The following GABRA5 variants were observed in gnomAD, a reference collection of about 807,000 sequenced individuals.
GABRA5 encodes the protein gamma-aminobutyric acid receptor subunit alpha-5.
In GABRA5, 18 loss-of-function variants were observed where a neutral mutation model predicts 47.3. The ratio of observed to expected loss-of-function variants is 0.38; its 90% CI spans 0.26 to 0.56. GABRA5 has a LOEUF of 0.56. Among genes scored for constraint, GABRA5 ranks in the 20% least tolerant of loss-of-function variants. The pLI, the probability that GABRA5 is intolerant of heterozygous loss-of-function variation, is 0.71. For missense variants in GABRA5, 365 were observed against 599.3 expected (o/e 0.61, Z 4.08); for synonymous variants, 237 against 229.3 (o/e 1.03, Z -0.30).
chr15:26,930,870 T>C (rs1894085422), intron 7 of GABRA5, among the ~76,000 whole-genome samples: 1 of 151,250 alleles, frequency 6.6e-6, no homozygotes, highest in Non-Finnish European at 1.5e-5. Context: ...TCTCTTCTTT[T>C]CTTTTTTCTT....
chr15:26,894,705 GGT>G (rs1167657455), intron 6 of GABRA5, among the ~76,000 whole-genome samples: 1 of 152,040 alleles, frequency 6.6e-6, no homozygotes, highest in African/African-American at 2.4e-5. Context: ...AGCGCCTGGC[GGT>G]GTGCTGTGCG....
intron 10 of GABRA5, among the ~76,000 whole-genome samples, chr15:26,944,428 C>G (rs142547612): frequency 0.013 from 1,950 of 152,336 alleles, 13 homozygotes; most frequent in Non-Finnish European, 0.018. Context: ...AGCCCCACTT[C>G]CAAGCCTAGC....
At chr15:26,920,850 A>C (rs1893826791) in intron 7 of GABRA5, among the ~76,000 whole-genome samples, 1 of 152,116 alleles carries the variant, frequency 6.6e-6, no homozygotes, top group Non-Finnish European at 1.5e-5. Context: ...TCCCACTAGC[A>C]CTCAGAGACA....
intron 6 of GABRA5, among the ~76,000 whole-genome samples, chr15:26,910,596 TC>T (rs1360802051): frequency 1.2e-3 from 35 of 28,968 alleles, no homozygotes; most frequent in Admixed American, 2.7e-3. Flanking sequence ...CGAGACTCCA[TC>T]AAAAAAAAAA....
chr15:26,874,487 C>G (rs1163262403), intron 3 of GABRA5, among the ~76,000 whole-genome samples: 2 of 152,140 alleles, frequency 1.3e-5, no homozygotes, highest in East Asian at 3.9e-4. Flanking sequence ...ACTGCAGGGC[C>G]TGCTCCAGAA....
chr15:26,913,431 G>A (rs902933882), intron 6 of GABRA5, among the ~76,000 whole-genome samples: 1 of 152,144 alleles, frequency 6.6e-6, no homozygotes, highest in Non-Finnish European at 1.5e-5. Flanking sequence ...TGTGAATTAT[G>A]TGACCAATTT....
intron 1 of GABRA5, among the ~76,000 whole-genome samples, chr15:26,868,322 C>A (rs970641385): frequency 6.6e-6 from 1 of 152,050 alleles, no homozygotes; most frequent in Admixed American, 6.5e-5. Context: ...CGCAGAAGGC[C>A]TTCGCTTCCG....
chr15:26,936,784 C>T (rs1383907211), intron 7 of GABRA5, among the ~76,000 whole-genome samples: 2 of 152,104 alleles, frequency 1.3e-5, no homozygotes, highest in African/African-American at 2.4e-5. Flanking sequence ...ATAGCCAGAG[C>T]CCTCAGACAT....
rs1190464583 is a variant in GABRA5, at chr15:26,883,625, C to T, written c.497+68C>T. The T allele has an allele frequency of 8.0e-6, 10 of 1,251,134 alleles. No homozygotes were observed. Among genetic ancestry groups the T allele is most frequent in the South Asian group, 5.9e-5 (4 of 67,528 alleles). 77.5% of individuals were successfully genotyped at this position (1,251,134 alleles called of 1,614,324 possible). A position where few individuals can be genotyped will look rare whatever the true frequency, so the allele number is the denominator to read the frequency against. On this transcript the variant is annotated intron_variant, in intron 6 of 10. Transcript: ENST00000335625. The surrounding 1 kb of genome is among the most constrained non-coding windows in gnomAD (Gnocchi z 4.8). ...GGGCAGGCGCGGCTGCCCATCCTGCCGCAAGAGCTGCGCCGCGGAGCTGTT... is the reference window on the plus strand; with the variant it reads ...GGGCAGGCGCGGCTGCCCATCCTGCTGCAAGAGCTGCGCCGCGGAGCTGTT...
chr15:26,899,272 G>T (rs1893270691), intron 6 of GABRA5, among the ~76,000 whole-genome samples: 1 of 152,122 alleles, frequency 6.6e-6, no homozygotes, highest in African/African-American at 2.4e-5. Context: ...TTCTGTTACT[G>T]ATTTCTAGTT....
intron 7 of GABRA5, among the ~76,000 whole-genome samples, chr15:26,931,544 T>C (rs1446364468): frequency 1.3e-5 from 2 of 152,214 alleles, no homozygotes; most frequent in African/African-American, 4.8e-5. Context: ...TTTCAGTCTA[T>C]AGCAGGTGTG....
At chr15:26,874,420 T>C (rs1260437065) in intron 3 of GABRA5, among the ~76,000 whole-genome samples, 1 of 152,132 alleles carries the variant, frequency 6.6e-6, no homozygotes, top group Admixed American at 6.5e-5. Context: ...AGTTTTACCA[T>C]CTGAAAGTGA....
chr15:26,944,476 G>A (rs910024409), intron 10 of GABRA5, among the ~76,000 whole-genome samples: 4 of 152,182 alleles, frequency 2.6e-5, no homozygotes, highest in Admixed American at 2.0e-4. Context: ...ACCCATTCTG[G>A]GTGCTCTCAT....
rs79895435 is a variant in GABRA5, at chr15:26,883,027, A to G, written c.209-139A>G. The G allele has an allele frequency of 0.12, 87,829 of 734,658 alleles. 5,582 individuals carry two copies. Among genetic ancestry groups the G allele is most frequent in the African/African-American group, 0.17 (10,058 of 57,936 alleles). 45.5% of individuals were successfully genotyped at this position (734,658 alleles called of 1,614,324 possible). Reference sequence around the variant, plus strand: ...GCTCGATTTCATCTGGTAATTGTCAAGTCCTCCAAATTTACCAAACGCACT... The same window carrying G: ...GCTCGATTTCATCTGGTAATTGTCAGGTCCTCCAAATTTACCAAACGCACT... On this transcript the variant is annotated intron_variant, in intron 4 of 10. Coordinates refer to ENST00000335625, the MANE Select transcript of GABRA5 (RefSeq NM_000810.4). The surrounding 1 kb of genome is among the most constrained non-coding windows in gnomAD (Gnocchi z 4.8).
intron 7 of GABRA5, among the ~76,000 whole-genome samples, chr15:26,929,463 T>G (rs61999604): frequency 0.18 from 27,718 of 152,210 alleles, 3,363 homozygotes; most frequent in Non-Finnish European, 0.24. Flanking sequence ...GGGCAGCAGC[T>G]GTGTCCCAGC....
intron 7 of GABRA5, among the ~76,000 whole-genome samples, chr15:26,934,700 CA>C (rs1878711107): frequency 6.6e-6 from 1 of 152,126 alleles, no homozygotes; most frequent in Admixed American, 6.5e-5. Context: ...GCTGAGAGCT[CA>C]AAGAGGTTGC....
intron 6 of GABRA5, among the ~76,000 whole-genome samples, chr15:26,899,733 C>T (rs1357995523): frequency 6.6e-6 from 1 of 152,076 alleles, no homozygotes; most frequent in Non-Finnish European, 1.5e-5. Flanking sequence ...GTTTTGATGT[C>T]AATGGAATGC....
intron 10 of GABRA5, among the ~76,000 whole-genome samples, chr15:26,947,480 G>C (rs1180329052): frequency 2.6e-5 from 4 of 152,122 alleles, no homozygotes; most frequent in Non-Finnish European, 5.9e-5. Context: ...GTGTTAGTTT[G>C]CTAAAGATAA....
At chr15:26,902,221 A>T (rs1458688052) in intron 6 of GABRA5, among the ~76,000 whole-genome samples, 1 of 152,138 alleles carries the variant, frequency 6.6e-6, no homozygotes, top group East Asian at 1.9e-4. Flanking sequence ...TAGCATCTGT[A>T]GATTGAGTTG....
Sources: gnomAD v4.1 joint callset for allele counts (sites outside exome capture counted in the v4.1 genomes callset) on GRCh38, gnomAD v4.1.1 for gene constraint, Gnocchi (gnomAD v3.1) non-coding constraint, MANE v1.5 for transcripts, NCBI Gene and HGNC (gene_info 2026-07-23, HGNC 2026-07-21) for gene names.